ATP8B1: variants seen among roughly 807,000 people sequenced by gnomAD.
ATP8B1 encodes the protein phospholipid-transporting ATPase IC.
Under a neutral mutation model 149.9 loss-of-function variants are expected in ATP8B1, and 80 were observed. The ratio of observed to expected loss-of-function variants is 0.53; its 90% CI spans 0.45 to 0.64. The LOEUF (loss-of-function observed/expected upper bound fraction) is 0.64, where lower values mean the gene tolerates loss of function less well. ATP8B1 is among the 30% of genes least tolerant of loss of function. The pLI is 0.00. For synonymous variants in ATP8B1, 536 were observed against 562.8 expected (o/e 0.95, Z 0.67); for missense variants, 1,247 against 1,552.6 (o/e 0.80, Z 3.31).
chr18:57,661,611 G>GTA (rs890980507), intron 21 of ATP8B1, 149 bp from the exon 22 acceptor site: 7 of 689,906 alleles, frequency 1.0e-5, no homozygotes, highest in Admixed American at 3.0e-5. Context: ...ACCAAAACAT[G>GTA]TATATATATG....
intron 1 of ATP8B1, among the ~76,000 whole-genome samples, chr18:57,764,597 T>C (rs2080192521): frequency 6.6e-6 from 1 of 151,688 alleles, no homozygotes; most frequent in African/African-American, 2.4e-5. Context: ...TTTTGTATTT[T>C]TAGTAGAGAT....
Position 57,691,821 on chromosome 18 carries a change from G to T in ATP8B1, c.1206C>A (p.Ile402=), listed in dbSNP as rs1179570288. The T allele has an allele frequency of 1.2e-5, 20 of 1,614,156 alleles. No individual in the cohort carries two copies. Among genetic ancestry groups the T allele is most frequent in the Non-Finnish European group, 1.5e-5 (18 of 1,180,018 alleles). Reference sequence around the variant, plus strand: ...GACAGCCTTACCTGACATAGAGAGAGATGGGTACCATGGTGTTGAGAACAA... The same window carrying T: ...GACAGCCTTACCTGACATAGAGAGATATGGGTACCATGGTGTTGAGAACAA... ...YIIVLNTMVP[I]SLYVSVEVIR... is the part of the protein sequence containing the mutation. The change falls in exon 12 of 28, where the codon ATC becomes ATA. Residue 402 remains isoleucine, a synonymous_variant. Coordinates refer to ENST00000648908, the MANE Select transcript of ATP8B1 (RefSeq NM_001374385.1).
intron 1 of ATP8B1, among the ~76,000 whole-genome samples, chr18:57,751,217 C>T (rs1369693522): frequency 6.6e-6 from 1 of 152,020 alleles, no homozygotes; most frequent in Non-Finnish European, 1.5e-5. Context: ...TTGGGCTAGG[C>T]TTGTGGCTCA....
chr18:57,734,340 C>T (rs921705008), intron 1 of ATP8B1, among the ~76,000 whole-genome samples: 6 of 152,104 alleles, frequency 3.9e-5, no homozygotes, highest in African/African-American at 9.7e-5. Flanking sequence ...CAGGCATGTA[C>T]CACCATGTCT....
chr18:57,763,324 G>C (rs1317807250), intron 1 of ATP8B1, among the ~76,000 whole-genome samples: 1 of 151,978 alleles, frequency 6.6e-6, no homozygotes, highest in Non-Finnish European at 1.5e-5. Flanking sequence ...CCTGGGAGGC[G>C]GAGATTGCGG....
chr18:57,690,138 T>C (rs1253259650), intron 12 of ATP8B1, among the ~76,000 whole-genome samples: 1 of 151,992 alleles, frequency 6.6e-6, no homozygotes, highest in East Asian at 1.9e-4. Flanking sequence ...AAGGTCAGGG[T>C]AATAAGGTGT....
intron 17 of ATP8B1, among the ~76,000 whole-genome samples, chr18:57,670,469 A>G (rs1911158668): frequency 6.7e-6 from 1 of 148,756 alleles, no homozygotes; most frequent in Non-Finnish European, 1.5e-5. Flanking sequence ...CTCCTGCCTC[A>G]GCCTCCTGAG....
chr18:57,670,776 G>A (rs1043861858), intron 17 of ATP8B1, among the ~76,000 whole-genome samples: 12 of 151,970 alleles, frequency 7.9e-5, no homozygotes, highest in African/African-American at 2.2e-4. Flanking sequence ...GTACGATCTC[G>A]GCTCACTCTA....
In ATP8B1 at chr18:57,775,473, GAGAA is replaced by G. The variant is rs532589197; in HGVS notation, c.-26+27521_-26+27524del. Among the ~76,000 whole-genome samples, 4 of 152,072 alleles carry G rather than the reference GAGAA, an allele frequency of 2.6e-5. No homozygotes were observed. The South Asian group carries it at 6.2e-4, about 24-fold the overall frequency. On this transcript the variant is annotated intron_variant, in intron 1 of 27. Coordinates refer to ENST00000648908, the MANE Select transcript of ATP8B1 (RefSeq NM_001374385.1). ...AGGGAGGAAGGGAGAAGGGAGGAAA[GAGAA>G]AGAAGGAGACAGGGAGTGCGGAAAG... is the stretch of plus-strand genomic sequence containing the variant.
At chr18:57,732,035 T>TA (rs2079770817) in intron 1 of ATP8B1, 4 of 490,774 alleles carry the variant, frequency 8.2e-6, no homozygotes, top group African/African-American at 5.9e-5. Flanking sequence ...TAAGATTTTT[T>TA]TAAAAAATAT....
In ATP8B1 at chr18:57,661,432, T is replaced by G; in HGVS notation, c.2449A>C (p.Arg817=). The change falls in exon 22 of 28, where the codon AGA becomes CGA. Residue 817 remains arginine (R), a synonymous_variant. Transcript: ENST00000648908. ...AACTTCAGCTTCAGAATCTTATTTC[T>G]CTTGGTCTTTTTCTCGAGAAGAATT... The part of the protein sequence containing the change: ...NEILLEKKTK[R]NKILKLKFPR... 6.2e-7 allele frequency: 1 copy of G among 1,613,718 alleles called. No homozygotes were observed. Among genetic ancestry groups the G allele is most frequent in the Non-Finnish European group, 8.5e-7 (1 of 1,179,902 alleles).
intron 1 of ATP8B1, among the ~76,000 whole-genome samples, chr18:57,733,523 A>G (rs916167075): frequency 2.0e-5 from 3 of 152,034 alleles, no homozygotes; most frequent in Non-Finnish European, 4.4e-5. Context: ...TGGCTAACAC[A>G]GTGAAACCCC....
intron 2 of ATP8B1, among the ~76,000 whole-genome samples, chr18:57,709,725 G>C (rs1913596203): frequency 6.6e-6 from 1 of 151,272 alleles, no homozygotes; most frequent in Non-Finnish European, 1.5e-5. Context: ...TGTCATCCAG[G>C]GTGGAGTGCA....
chr18:57,655,108 A>T, intron 23 of ATP8B1, 86 bp downstream of exon 23: 1 of 1,268,258 alleles, frequency 7.9e-7, no homozygotes, highest in South Asian at 1.3e-5. Flanking sequence ...CAAATATAGA[A>T]GAAATAAATT....
chr18:57,679,757 C>T (rs547890937), intron 15 of ATP8B1, among the ~76,000 whole-genome samples: 65 of 152,206 alleles, frequency 4.3e-4, no homozygotes, highest in Middle Eastern at 3.4e-3. Context: ...CTCCGCCTCG[C>T]GGGTTCAAGC....
In ATP8B1 at chr18:57,698,172, G is replaced by A. The variant is rs555192497; in HGVS notation, c.555-305C>T. Among the ~76,000 whole-genome samples the A allele has an allele frequency of 5.3e-5, 8 of 152,194 alleles. No homozygotes were observed. The South Asian group carries it at 1.7e-3, about 32-fold the overall frequency. On this transcript the variant is annotated intron_variant, in intron 6 of 27. Transcript: ENST00000648908. ...GCCACCCCCTTTTGTTTTTGCTTAT[G>A]TCCAACTTGCCTCCCTGCTGTGTTC...
chr18:57,796,677 G>GTTGT (rs148442717), intron 1 of ATP8B1, among the ~76,000 whole-genome samples: 3,146 of 152,152 alleles, frequency 0.021, 109 homozygotes, highest in African/African-American at 0.071. Context: ...TACCTATGCT[G>GTTGT]TTGTTTGTTT....
At chr18:57,773,996 C>G (rs1173125623) in intron 1 of ATP8B1, among the ~76,000 whole-genome samples, 1 of 152,142 alleles carries the variant, frequency 6.6e-6, no homozygotes, top group Non-Finnish European at 1.5e-5. Flanking sequence ...CTCCTCGGCT[C>G]GAAACTCTGC....
intron 15 of ATP8B1, among the ~76,000 whole-genome samples, chr18:57,681,262 A>G (rs113911514): frequency 6.6e-6 from 1 of 151,988 alleles, no homozygotes; most frequent in Admixed American, 6.6e-5. Context: ...CAGTTGATAA[A>G]GAATAAAGAA....
Sources: gnomAD v4.1 joint callset for allele counts (sites outside exome capture counted in the v4.1 genomes callset) on GRCh38, gnomAD v4.1.1 for gene constraint, MANE v1.5 for transcripts, NCBI Gene and HGNC (gene_info 2026-07-23, HGNC 2026-07-21) for gene names.